The following MAP4K4 variants were observed in gnomAD, a reference collection of about 807,000 sequenced individuals.
MAP4K4 encodes the protein mitogen-activated protein kinase kinase kinase kinase 4.
Under a neutral mutation model 189.6 loss-of-function variants are expected in MAP4K4, and 38 were observed. The ratio of observed to expected loss-of-function variants is 0.20; its 90% CI spans 0.15 to 0.26. The LOEUF (loss-of-function observed/expected upper bound fraction) is 0.26. Among genes scored for constraint, MAP4K4 ranks in the 10% least tolerant of loss-of-function variants. The probability of loss-of-function intolerance (pLI) is 1.00; values close to 1 mark genes in which losing one functional copy is unlikely to be tolerated. For missense variants in MAP4K4, 1,054 were observed against 1,726.9 expected, an observed-to-expected ratio of 0.61 and a Z score of 6.91; for synonymous variants, 610 against 624.3, an observed-to-expected ratio of 0.98 and a Z score of 0.34.
chr2:101,713,794 T>C (rs1165433868), intron 2 of MAP4K4, among the ~76,000 whole-genome samples: 1 of 151,568 alleles, frequency 6.6e-6, no homozygotes, highest in Non-Finnish European at 1.5e-5. Flanking sequence ...CTTGGGAGGC[T>C]GAGGCAGGAG....
intron 2 of MAP4K4, among the ~76,000 whole-genome samples, chr2:101,721,435 C>CTTT (rs397872119): frequency 1.5e-5 from 2 of 131,568 alleles, no homozygotes; most frequent in African/African-American, 5.7e-5. Flanking sequence ...TAGTATATTG[C>CTTT]TTTTTTTTTT....
At chr2:101,771,396 TTTAG>T (rs2081350526) in intron 2 of MAP4K4, among the ~76,000 whole-genome samples, 1 of 152,052 alleles carries the variant, frequency 6.6e-6, no homozygotes, top group Non-Finnish European at 1.5e-5. Context: ...ACGGTGCCAT[TTTAG>T]TTAGTTGCAT....
rs2150040969 is a variant in MAP4K4, at chr2:101,755,120, A to C, written c.124-35600A>C. 2.0e-5 allele frequency among the ~76,000 whole-genome samples: 3 copies of C among 152,164 alleles called. 1 individual carries two copies. Among genetic ancestry groups the C allele is most frequent in the Middle Eastern group, 3.4e-3 (1 of 294 alleles). On this transcript the variant is annotated intron_variant, in intron 2 of 32. Coordinates refer to ENST00000324219, the Ensembl canonical transcript of MAP4K4. ...TAGATTTGGTAATCACTAATGACTG[A>C]GAATGACAGTGTTTGTCAAATACTT...
intron 3 of MAP4K4, among the ~76,000 whole-genome samples, chr2:101,798,882 T>G (rs1344773897): frequency 1.3e-5 from 2 of 152,322 alleles, no homozygotes; most frequent in East Asian, 3.9e-4. Flanking sequence ...TATTTACATT[T>G]TAGATGCTAA....
At chr2:101,766,209 C>A (rs1462692648) in intron 2 of MAP4K4, among the ~76,000 whole-genome samples, 1 of 152,094 alleles carries the variant, frequency 6.6e-6, no homozygotes, top group Non-Finnish European at 1.5e-5. Flanking sequence ...ATTTGTAGAT[C>A]TTATGAATTT....
intron 5 of MAP4K4, among the ~76,000 whole-genome samples, chr2:101,829,183 C>T (rs17026163): frequency 0.056 from 8,521 of 152,180 alleles, 340 homozygotes; most frequent in African/African-American, 0.11. Flanking sequence ...AAGGAACCAC[C>T]CTGTACACAA....
chr2:101,871,644 A>G, exon 24 of MAP4K4: 7 of 1,536,594 alleles, frequency 4.6e-6, no homozygotes, highest in Non-Finnish European at 6.1e-6. Flanking sequence ...GACACCCACC[A>G]TGTCCCCACA....
intron 2 of MAP4K4, among the ~76,000 whole-genome samples, chr2:101,709,352 G>A (rs1573943363): frequency 1.3e-5 from 2 of 152,160 alleles, no homozygotes; most frequent in East Asian, 1.9e-4. Flanking sequence ...ACAAGTGTGA[G>A]CTACCACGCC....
At chr2:101,864,956 C>T (rs1290424305) in exon 18 of MAP4K4, 1 of 1,577,400 alleles carries the variant, frequency 6.3e-7, no homozygotes. Context: ...CATCTCGCTC[C>T]CCTGTTCTGT....
intron 2 of MAP4K4, among the ~76,000 whole-genome samples, chr2:101,704,335 T>TA (rs1217487663): frequency 1.3e-5 from 2 of 151,916 alleles, no homozygotes; most frequent in Non-Finnish European, 2.9e-5. Context: ...TTTCAACCCT[T>TA]ACTTTCAAAA....
At chr2:101,820,869 T>G (rs1416565477) in intron 3 of MAP4K4, among the ~76,000 whole-genome samples, 1 of 152,314 alleles carries the variant, frequency 6.6e-6, no homozygotes, top group South Asian at 2.1e-4. Context: ...CTGTGCATGT[T>G]GATGTGTGTG....
At chr2:101,739,647 AT>A (rs2061785392) in intron 2 of MAP4K4, among the ~76,000 whole-genome samples, 1 of 152,206 alleles carries the variant, frequency 6.6e-6, no homozygotes, top group African/African-American at 2.4e-5. Context: ...AAAAACCCCT[AT>A]CCTTAACTCT....
chr2:101,789,120 T>C (rs1276735420), intron 2 of MAP4K4, among the ~76,000 whole-genome samples: 4 of 152,222 alleles, frequency 2.6e-5, no homozygotes, highest in Non-Finnish European at 4.4e-5. Context: ...GCGAGAAATA[T>C]GCTTTAGTAA....
intron 12 of MAP4K4, among the ~76,000 whole-genome samples, chr2:101,854,748 C>T (rs530514759): frequency 3.9e-5 from 6 of 152,210 alleles, no homozygotes; most frequent in African/African-American, 1.4e-4. Flanking sequence ...TAGCTTTACC[C>T]TAAGCTTTCT....
chr2:101,726,226 C>G (rs2055309740), intron 2 of MAP4K4, among the ~76,000 whole-genome samples: 1 of 152,176 alleles, frequency 6.6e-6, no homozygotes, highest in Admixed American at 6.5e-5. Flanking sequence ...TTTGAGAGTT[C>G]AGAATTAAAA....
At chr2:101,825,333 C>A in exon 5 of MAP4K4, 1 of 1,611,176 alleles carries the variant, frequency 6.2e-7, no homozygotes, top group Non-Finnish European at 8.5e-7. Flanking sequence ...TTATGGAGTT[C>A]TGTGGGGCTG....
chr2:101,772,402 C>A (rs2081922155), intron 2 of MAP4K4, among the ~76,000 whole-genome samples: 1 of 152,184 alleles, frequency 6.6e-6, no homozygotes, highest in African/African-American at 2.4e-5. Context: ...ATTCTTTGAT[C>A]TAAGTAACAG....
chr2:101,893,456 A>C (rs539934888), exon 33 of MAP4K4: 30 of 341,218 alleles, frequency 8.8e-5, no homozygotes, highest in Middle Eastern at 8.6e-4. Flanking sequence ...CTTTAGTTAG[A>C]ATTAAATTCC....
intron 5 of MAP4K4, among the ~76,000 whole-genome samples, chr2:101,825,936 A>C (rs2096334915): frequency 6.6e-6 from 1 of 152,230 alleles, no homozygotes. Flanking sequence ...TAATGATCTT[A>C]GAGTAAGTTT....
Sources: gnomAD v4.1 joint callset for allele counts (sites outside exome capture counted in the v4.1 genomes callset) on GRCh38, gnomAD v4.1.1 for gene constraint, MANE v1.5 for transcripts, NCBI Gene and HGNC (gene_info 2026-07-23, HGNC 2026-07-21) for gene names.